Variants in RSF1 observed in about 807,000 individuals in gnomAD.
The protein encoded by RSF1 is remodeling and spacing factor 1.
Under a neutral mutation model 145.2 loss-of-function variants are expected in RSF1, and 13 were observed. That is an observed-to-expected ratio of 0.09 (90% CI 0.06 to 0.14). RSF1 has a LOEUF of 0.14. Ranked by LOEUF, RSF1 falls within the 10% of genes least tolerant of loss-of-function variation. The probability of loss-of-function intolerance (pLI) is 1.00; values close to 1 mark genes in which losing one functional copy is unlikely to be tolerated. For missense variants in RSF1, 1,517 were observed against 1,718.2 expected (o/e 0.88, Z 2.07); for synonymous variants, 577 against 592.6 (o/e 0.97, Z 0.38).
chr11:77,759,855 T>TAA lies in RSF1; in HGVS notation c.279+4741_279+4742dup, dbSNP rs11409466. On this transcript the variant is annotated intron_variant, in intron 2 of 15. Transcript: ENST00000308488. ...GTGAGAATTAAATGGTGATGCATGT[T>TAA]AAAAAAAAAAAAAAAAAAGCATAGC... Among the ~76,000 whole-genome samples the TAA allele has an allele frequency of 5.1e-3, 683 of 134,218 alleles. 5 individuals are homozygous for TAA. The highest frequency in any genetic ancestry group is 9.8e-3 in the South Asian group (41 of 4,186). The allele number at this position is 134,218 out of a possible 152,430, so 88.1% of individuals were successfully genotyped here.
At chr11:77,694,802 C>A (rs994842442) in intron 7 of RSF1, among the ~76,000 whole-genome samples, 8 of 152,176 alleles carry the variant, frequency 5.3e-5, no homozygotes, top group African/African-American at 1.7e-4. Flanking sequence ...ATCCCCAGTA[C>A]GTAACCGTTT....
At chr11:77,833,124 C>T in the RSF1 span, among the ~76,000 whole-genome samples, 1 of 150,376 alleles carries the variant, frequency 6.6e-6, no homozygotes, top group African/African-American at 2.5e-5. Context: ...AATTCTCCTG[C>T]CTCGGCTTTG....
chr11:77,732,705 A>G (rs896121773), intron 4 of RSF1, among the ~76,000 whole-genome samples: 1 of 152,206 alleles, frequency 6.6e-6, no homozygotes, highest in African/African-American at 2.4e-5. Context: ...GCCGCCATCA[A>G]TGAAAGGCAT....
chr11:77,754,187 A>G (rs1948092957), intron 2 of RSF1, among the ~76,000 whole-genome samples: 1 of 152,188 alleles, frequency 6.6e-6, no homozygotes, highest in Admixed American at 6.5e-5. Context: ...GTCAAACAGG[A>G]AAACTAGTAA....
chr11:77,840,026 G>A, the RSF1 span, among the ~76,000 whole-genome samples: 1 of 151,834 alleles, frequency 6.6e-6, no homozygotes, highest in Admixed American at 6.6e-5. Context: ...AAGCAAAAAA[G>A]CAAAATAAAG....
At chr11:77,785,005 C>T (rs1284839288) in intron 1 of RSF1, among the ~76,000 whole-genome samples, 1 of 152,218 alleles carries the variant, frequency 6.6e-6, no homozygotes, top group Non-Finnish European at 1.5e-5. Flanking sequence ...GCCTAAGCCT[C>T]TTGAAATCCA....
At chr11:77,824,213 C>T (rs1486855341), upstream of RSF1, among the ~76,000 whole-genome samples, 1 of 152,164 alleles carries the variant, frequency 6.6e-6, no homozygotes, top group Admixed American at 6.5e-5. Context: ...TTGTGGAATA[C>T]AGAGCTTAAC....
chr11:77,802,556 T>A (rs1948636252), intron 1 of RSF1, among the ~76,000 whole-genome samples: 1 of 152,180 alleles, frequency 6.6e-6, no homozygotes, highest in African/African-American at 2.4e-5. Flanking sequence ...ATTAATTTTT[T>A]TTTTGAGACA....
chr11:77,788,568 A>G (rs1948484799), intron 1 of RSF1, among the ~76,000 whole-genome samples: 1 of 151,694 alleles, frequency 6.6e-6, no homozygotes, highest in Admixed American at 6.6e-5. Context: ...GATACAGAGG[A>G]AAAAAAACTG....
the RSF1 span, among the ~76,000 whole-genome samples, chr11:77,857,315 T>C: frequency 6.6e-6 from 1 of 152,270 alleles, no homozygotes; most frequent in East Asian, 1.9e-4. Flanking sequence ...GAAGGAGAAG[T>C]TTCCCAGGTA....
chr11:77,865,318 T>C, the RSF1 span, among the ~76,000 whole-genome samples: 2 of 152,174 alleles, frequency 1.3e-5, no homozygotes, highest in East Asian at 1.9e-4. Context: ...CAGTCCAAAC[T>C]GGTGGTAGGG....
At chr11:77,854,243 C>T in the RSF1 span, among the ~76,000 whole-genome samples, 5 of 152,110 alleles carry the variant, frequency 3.3e-5, no homozygotes, top group Non-Finnish European at 7.4e-5. Flanking sequence ...CCACCCGTCT[C>T]AGCCTCCCAA....
upstream of RSF1, chr11:77,820,738 A>C (rs1161875417): frequency 7.8e-6 from 12 of 1,536,430 alleles, no homozygotes; most frequent in East Asian, 4.9e-5. Flanking sequence ...ATGGAGGAGG[A>C]GGCGATGGGG....
intron 10 of RSF1, 123 bp downstream of exon 10, chr11:77,684,982 C>T (rs1959965398): frequency 4.8e-6 from 2 of 417,460 alleles, no homozygotes; most frequent in Non-Finnish European, 7.7e-6. Flanking sequence ...AACGAAACTC[C>T]ATCTCGAAAT....
chr11:77,783,300 T>C (rs1424157926), intron 1 of RSF1, among the ~76,000 whole-genome samples: 1 of 152,244 alleles, frequency 6.6e-6, no homozygotes, highest in African/African-American at 2.4e-5. Flanking sequence ...TAATTACCTT[T>C]TAAAAAGACT....
At chr11:77,746,008 C>T (rs2135917063) in intron 3 of RSF1, among the ~76,000 whole-genome samples, 1 of 151,882 alleles carries the variant, frequency 6.6e-6, no homozygotes, top group South Asian at 2.1e-4. Context: ...GTATGTAATA[C>T]TAAAGTATTA....
chr11:77,803,123 C>T (rs1948642718), intron 1 of RSF1, among the ~76,000 whole-genome samples: 1 of 152,092 alleles, frequency 6.6e-6, no homozygotes, highest in African/African-American at 2.4e-5. Context: ...TCAGCCCAAC[C>T]TCCAGGGACA....
intron 5 of RSF1, among the ~76,000 whole-genome samples, chr11:77,705,082 A>G (rs1960515404): frequency 1.3e-5 from 2 of 152,164 alleles, no homozygotes; most frequent in Admixed American, 1.3e-4. Flanking sequence ...AAAAATGACA[A>G]CAATTAATAT....
chr11:77,848,577 C>G, the RSF1 span, among the ~76,000 whole-genome samples: 1 of 152,156 alleles, frequency 6.6e-6, no homozygotes, highest in Non-Finnish European at 1.5e-5. Flanking sequence ...CCAGGTTGGT[C>G]TCGAACGCCT....
Sources: gnomAD v4.1 joint callset for allele counts (sites outside exome capture counted in the v4.1 genomes callset) on GRCh38, gnomAD v4.1.1 for gene constraint, MANE v1.5 for transcripts, NCBI Gene and HGNC (gene_info 2026-07-23, HGNC 2026-07-21) for gene names.